Variants in HEPHL1 observed in about 807,000 individuals in gnomAD.
HEPHL1 encodes the protein hephaestin like 1.
Under a neutral mutation model 122.0 loss-of-function variants are expected in HEPHL1, and 123 were observed. The ratio of observed to expected loss-of-function variants is 1.01; its 90% CI spans 0.87 to 1.17. HEPHL1 has a LOEUF of 1.17. HEPHL1 is among the 50% of genes most tolerant of loss of function. The pLI, the probability that HEPHL1 is intolerant of heterozygous loss-of-function variation, is 0.00. For missense variants in HEPHL1, 1,452 were observed against 1,430.5 expected, an observed-to-expected ratio of 1.01 and a Z score of -0.24; for synonymous variants, 527 against 508.9, an observed-to-expected ratio of 1.04 and a Z score of -0.48.
intron 8 of HEPHL1, among the ~76,000 whole-genome samples, chr11:94,074,428 TA>T (rs1255450562): frequency 6.7e-6 from 1 of 149,396 alleles, no homozygotes; most frequent in African/African-American, 2.5e-5. Flanking sequence ...CCTTGTCTCT[TA>T]AAAAAATAAA....
intron 1 of HEPHL1, among the ~76,000 whole-genome samples, chr11:94,021,836 C>CTGTT (rs778372978): frequency 1.3e-5 from 2 of 152,166 alleles, no homozygotes; most frequent in East Asian, 1.9e-4. Context: ...CTGGGGGATT[C>CTGTT]TGTTTGTTTG....
intron 17 of HEPHL1, 32 bp downstream of exon 17, chr11:94,106,162 G>A (rs781406379): frequency 7.4e-6 from 11 of 1,483,534 alleles, no homozygotes; most frequent in African/African-American, 4.2e-5. Context: ...TGGGAAAGAC[G>A]TTTTTGAACT....
intron 2 of HEPHL1, among the ~76,000 whole-genome samples, chr11:94,048,334 GA>G (rs1280277764): frequency 2.0e-5 from 3 of 152,018 alleles, no homozygotes; most frequent in African/African-American, 7.3e-5. Flanking sequence ...TGAGAGCCAT[GA>G]GCCCTTGCAC....
intron 14 of HEPHL1, 33 bp downstream of exon 14, chr11:94,101,368 AG>A: frequency 6.3e-7 from 1 of 1,592,710 alleles, no homozygotes; most frequent in Admixed American, 1.8e-5. Flanking sequence ...TCCATCTTGA[AG>A]AAGAACATTG....
intron 2 of HEPHL1, among the ~76,000 whole-genome samples, chr11:94,060,287 T>G (rs982055466): frequency 1.3e-5 from 2 of 151,644 alleles, no homozygotes; most frequent in African/African-American, 4.8e-5. Context: ...GCACACATGA[T>G]ATATATATGT....
chr11:94,058,786 A>G (rs760927217), intron 2 of HEPHL1, among the ~76,000 whole-genome samples: 1 of 152,000 alleles, frequency 6.6e-6, no homozygotes, highest in Non-Finnish European at 1.5e-5. Flanking sequence ...GACTAGACTC[A>G]AACTCCTGGC....
In HEPHL1 at chr11:94,111,491, C is replaced by T. The variant is rs1402658380; in HGVS notation, c.3209-46C>T. 4.3e-6 allele frequency: 6 copies of T among 1,407,776 alleles called. No homozygotes were observed. In the South Asian group the frequency reaches 4.9e-5, roughly 12 times the overall value. 87.2% of individuals were successfully genotyped at this position (1,407,776 alleles called of 1,614,324 possible). On this transcript the variant is annotated intron_variant, in intron 18 of 19. Coordinates refer to ENST00000315765, the MANE Select transcript of HEPHL1 (RefSeq NM_001098672.2). The stretch of plus-strand genomic sequence containing the variant: ...AAATGACTAGTGTCATGAAAAGAAT[C>T]CCCTTCTGTTGTTAATAAAACAATG...
At chr11:94,045,479 C>G (rs994741464) in intron 1 of HEPHL1, among the ~76,000 whole-genome samples, 194 bp from the exon 2 acceptor site, 2 of 152,176 alleles carry the variant, frequency 1.3e-5, no homozygotes, top group Non-Finnish European at 2.9e-5. Context: ...TGCCCTTTGG[C>G]TTGCCACTTC....
At chr11:94,108,451 T>C (rs1230613505) in intron 17 of HEPHL1, among the ~76,000 whole-genome samples, 1 of 152,094 alleles carries the variant, frequency 6.6e-6, no homozygotes, top group Non-Finnish European at 1.5e-5. Context: ...TTATAGATCA[T>C]ACTTTTGGTG....
intron 9 of HEPHL1, among the ~76,000 whole-genome samples, chr11:94,076,607 A>G (rs1004655135): frequency 1.5e-5 from 2 of 136,720 alleles, no homozygotes; most frequent in African/African-American, 5.3e-5. Context: ...CACAAAATTC[A>G]TGAAAAAAAA....
chr11:94,096,735 G>A (rs375137603), intron 13 of HEPHL1, among the ~76,000 whole-genome samples: 5 of 152,206 alleles, frequency 3.3e-5, no homozygotes, highest in East Asian at 1.9e-4. Context: ...CTTCTTCCTG[G>A]TTTAGTCTTG....
intron 2 of HEPHL1, among the ~76,000 whole-genome samples, chr11:94,059,358 T>C (rs1945965012): frequency 1.3e-5 from 2 of 152,264 alleles, no homozygotes; most frequent in South Asian, 2.1e-4. Context: ...GTTTGTACAA[T>C]ACATTATTAC....
At chr11:94,081,742 C>T (rs763590630) in intron 9 of HEPHL1, among the ~76,000 whole-genome samples, 11 of 152,190 alleles carry the variant, frequency 7.2e-5, no homozygotes, top group Non-Finnish European at 1.5e-4. Flanking sequence ...CAAAGTGTTC[C>T]TATCCTCATG....
intron 12 of HEPHL1, among the ~76,000 whole-genome samples, 170 bp from the exon 13 acceptor site, chr11:94,093,331 G>C (rs928307800): frequency 2.0e-5 from 3 of 152,060 alleles, no homozygotes; most frequent in African/African-American, 7.2e-5. Flanking sequence ...AAGTGCAGAT[G>C]CCTGGCCTCA....
intron 1 of HEPHL1, among the ~76,000 whole-genome samples, chr11:94,023,482 G>A (rs1181439302): frequency 6.6e-6 from 1 of 152,184 alleles, no homozygotes; most frequent in African/African-American, 2.4e-5. Context: ...GCTGGAAGAA[G>A]TTGGGGTCTC....
intron 11 of HEPHL1, among the ~76,000 whole-genome samples, chr11:94,086,913 T>C (rs1353202917): frequency 6.6e-6 from 1 of 152,196 alleles, no homozygotes; most frequent in East Asian, 1.9e-4. Flanking sequence ...AAACCAATTT[T>C]TTCATCAGTC....
rs764643299 is a variant in HEPHL1 at position 94,073,353 on chromosome 11, T to C, written c.1418T>C (p.Phe473Ser). The C allele has an allele frequency of 3.4e-5, 55 of 1,603,366 alleles. No individual in the cohort carries two copies. Among genetic ancestry groups the C allele is most frequent in the Non-Finnish European group, 2.6e-6 (3 of 1,174,634 alleles). ...GTGGGTGATACCCTGTTAGTGACCT[T>C]TGCCAACAAAGCCGACAAGGTCTAT... ...AEVGDTLLVT[F>S]ANKADKVYSI... Residue 473 changes from phenylalanine to serine, a missense_variant, in exon 8 of 20, where the codon TTT (phenylalanine) becomes TCT (serine). By Grantham distance (155) the Phe-to-Ser change is radical. Coordinates refer to ENST00000315765, the MANE Select transcript of HEPHL1 (RefSeq NM_001098672.2).
chr11:94,070,078 T>C (rs561092276), intron 5 of HEPHL1, among the ~76,000 whole-genome samples: 7 of 152,308 alleles, frequency 4.6e-5, no homozygotes, highest in African/African-American at 1.7e-4. Flanking sequence ...CATTTGTTTA[T>C]TGGCCAATAT....
At chr11:94,054,523 C>T (rs1255608065) in intron 2 of HEPHL1, among the ~76,000 whole-genome samples, 1 of 152,248 alleles carries the variant, frequency 6.6e-6, no homozygotes, top group Non-Finnish European at 1.5e-5. Flanking sequence ...AGACCACTTT[C>T]TCTCTGACCC....
Sources: allele counts gnomAD v4.1 joint callset (sites outside exome capture counted in the v4.1 genomes callset), GRCh38; gene constraint gnomAD v4.1.1; transcripts MANE v1.5; gene names NCBI Gene and HGNC (gene_info 2026-07-23, HGNC 2026-07-21).